ADAMTSL3: variants seen among roughly 807,000 people sequenced by gnomAD.
ADAMTSL3 encodes ADAMTS like 3, also known as ADAMTS-like protein 3.
ADAMTSL3 carries 128 observed loss-of-function variants against 201.7 expected under a neutral mutation model. That is an observed-to-expected ratio of 0.63 (90% CI 0.55 to 0.73). ADAMTSL3 has a LOEUF of 0.73. Ranked by LOEUF, ADAMTSL3 falls within the 30% of genes least tolerant of loss-of-function variation. ADAMTSL3 has a pLI of 0.00. For missense variants in ADAMTSL3, 1,990 were observed against 2,119.6 expected (o/e 0.94, Z 1.20); for synonymous variants, 738 against 748.4 (o/e 0.99, Z 0.23).
chr15:83,890,229 T>C lies in ADAMTSL3; in HGVS notation c.1193T>C (p.Met398Thr). Reference protein sequence around the residue: ...KPKPKLKECSMDPCPSSDGFK... With the variant: ...KPKPKLKECSTDPCPSSDGFK... ...AAACCAAAACTGAAGGAATGCAGCA[T>C]GGATCCCTGCCCATCAAGGTTTGTG... Residue 398 changes from methionine to threonine, a missense_variant, in exon 11 of 30, where the codon ATG (methionine) becomes ACG (threonine). By Grantham distance (81) the Met-to-Thr change is moderately conservative. Transcript: ENST00000286744. The C allele has an allele frequency of 6.2e-7, 1 of 1,613,934 alleles. No individual in the cohort carries two copies.
At chr15:83,726,084 C>A (rs554499667) in intron 3 of ADAMTSL3, among the ~76,000 whole-genome samples, 2 of 151,872 alleles carry the variant, frequency 1.3e-5, no homozygotes, top group Non-Finnish European at 2.9e-5. Flanking sequence ...ATCAACGTTT[C>A]GTCGTTTTCA....
chr15:84,016,332 ATAAT>A, intron 24 of ADAMTSL3, 47 bp from the exon 25 acceptor site: 1 of 1,443,070 alleles, frequency 6.9e-7, no homozygotes. Context: ...AGCTGGACCA[ATAAT>A]TAGATAATGT....
At chr15:83,801,068 G>C (rs1197270585) in intron 4 of ADAMTSL3, among the ~76,000 whole-genome samples, 1 of 152,002 alleles carries the variant, frequency 6.6e-6, no homozygotes, top group Non-Finnish European at 1.5e-5. Flanking sequence ...GTTTGGTGCT[G>C]CTTGAATGTT....
At chr15:83,870,756 T>C (rs2141827177) in intron 8 of ADAMTSL3, 46 bp from the exon 9 acceptor site, 1 of 1,456,398 alleles carries the variant, frequency 6.9e-7, no homozygotes, top group Middle Eastern at 1.8e-4. Context: ...TGTAATAAAA[T>C]ACCTTTAAGA....
chr15:83,837,544 G>C (rs1032679289), intron 6 of ADAMTSL3, among the ~76,000 whole-genome samples: 1 of 152,070 alleles, frequency 6.6e-6, no homozygotes, highest in Non-Finnish European at 1.5e-5. Flanking sequence ...ACTTTGGAAG[G>C]CCAAGGCAGG....
At position 83,803,933 on chromosome 15, in the gene ADAMTSL3, A is replaced by G. The variant is rs534279419; in HGVS notation, c.318-717A>G. ...TGGGGCAGGTGGACTGCTTGAGGCC[A>G]GGAGTGTGAAACCAGCCTAGCCAAC... is the stretch of plus-strand genomic sequence containing the variant. On this transcript the variant is annotated intron_variant, in intron 4 of 29. Transcript: ENST00000286744. 9.9e-5 allele frequency among the ~76,000 whole-genome samples: 15 copies of G among 152,268 alleles called. 1 individual carries two copies. In the South Asian group the frequency reaches 2.1e-3, roughly 21 times the overall value.
intron 15 of ADAMTSL3, among the ~76,000 whole-genome samples, chr15:83,902,356 C>T (rs1367972352): frequency 3.3e-5 from 5 of 152,112 alleles, no homozygotes; most frequent in African/African-American, 7.2e-5. Context: ...CTGCAACCTC[C>T]GCCTTCCGGG....
At chr15:83,906,842 T>C (rs1252048855) in intron 15 of ADAMTSL3, among the ~76,000 whole-genome samples, 3 of 152,178 alleles carry the variant, frequency 2.0e-5, no homozygotes, top group Non-Finnish European at 2.9e-5. Context: ...CACTATATTT[T>C]CATTTGTATT....
At chr15:83,789,781 C>G (rs892333876) in intron 4 of ADAMTSL3, among the ~76,000 whole-genome samples, 1 of 152,124 alleles carries the variant, frequency 6.6e-6, no homozygotes, top group Non-Finnish European at 1.5e-5. Flanking sequence ...CTGTTTTACC[C>G]TCTTTAGATA....
intron 11 of ADAMTSL3, chr15:83,891,039 A>C: frequency 3.2e-6 from 1 of 315,208 alleles, no homozygotes. Context: ...TAATGATTAT[A>C]AAAAGGAATA....
intron 2 of ADAMTSL3, among the ~76,000 whole-genome samples, chr15:83,659,452 T>C (rs551548784): frequency 1.8e-4 from 28 of 152,294 alleles, no homozygotes; most frequent in African/African-American, 6.7e-4. Context: ...TGGAGGCTAG[T>C]GTAGAAGGCT....
chr15:83,891,630 G>A lies in ADAMTSL3; in HGVS notation c.1262+251G>A, dbSNP rs9329360. On this transcript the variant is annotated intron_variant, in intron 12 of 29. Transcript: ENST00000286744. ...CTTGGACAACTGAGTATTATAGCAG[G>A]AGCTCAAGTGTTGCAATTAATCAGA... 0.021 allele frequency among the ~76,000 whole-genome samples: 3,243 copies of A among 152,214 alleles called. 123 individuals are homozygous for A. The highest frequency in any genetic ancestry group is 0.071 in the African/African-American group (2,962 of 41,536).
In ADAMTSL3 at chr15:84,039,628, A is replaced by C. The variant is rs2068571381; in HGVS notation, c.*1822A>C. The C allele has an allele frequency of 2.6e-5, 4 of 152,686 alleles. No individual in the cohort carries two copies. The South Asian group carries it at 8.3e-4, about 32-fold the overall frequency. The allele number at this position is 152,686 out of a possible 1,614,324, so 9.5% of individuals were successfully genotyped here. A position where few individuals can be genotyped will look rare whatever the true frequency, so the allele number is the denominator to read the frequency against. ...TGGGACATATATTTTTCTTATTAAC[A>C]AAATTTCATATTAAATTGCTTCACT... On this transcript the variant is annotated 3_prime_UTR_variant, in exon 30 of 30. Coordinates refer to ENST00000286744, the MANE Select transcript of ADAMTSL3 (RefSeq NM_207517.3).
At chr15:83,971,943 A>G (rs970149924) in intron 20 of ADAMTSL3, among the ~76,000 whole-genome samples, 10 of 149,116 alleles carry the variant, frequency 6.7e-5, no homozygotes, top group African/African-American at 2.2e-4. Flanking sequence ...TATAACATAT[A>G]TATAAAACTT....
Position 83,982,654 on chromosome 15 carries a change from G to A in ADAMTSL3, c.3026G>A (p.Arg1009Lys), listed in dbSNP as rs749715546. ...CGGCTCATCGCACGCCCAGCCCTCA[G>A]GGAGCCTATGAGGGAATATCCTGGG... ...DNRLIARPAL[R>K]EPMREYPGMD... The change falls in exon 21 of 30, where the codon AGG (arginine) becomes AAG (lysine). Residue 1009 changes from arginine (R) to lysine (K), a missense_variant. Transcript: ENST00000286744. 3.1e-6 allele frequency: 5 copies of A among 1,614,168 alleles called. No individual in the cohort carries two copies. Among genetic ancestry groups the A allele is most frequent in the Non-Finnish European group, 4.2e-6 (5 of 1,180,042 alleles).
At chr15:83,818,456 A>G (rs1233816161) in intron 5 of ADAMTSL3, among the ~76,000 whole-genome samples, 1 of 152,136 alleles carries the variant, frequency 6.6e-6, no homozygotes, top group African/African-American at 2.4e-5. Context: ...CCTCATGAAC[A>G]GCTGGGACTA....
At chr15:83,964,733 T>C (rs1234916877) in intron 19 of ADAMTSL3, among the ~76,000 whole-genome samples, 1 of 152,030 alleles carries the variant, frequency 6.6e-6, no homozygotes, top group African/African-American at 2.4e-5. Flanking sequence ...AGATTTACCA[T>C]GATTGAAATG....
chr15:83,971,921 ATATATAT>A (rs1229333158), intron 20 of ADAMTSL3, among the ~76,000 whole-genome samples: 1 of 148,480 alleles, frequency 6.7e-6, no homozygotes, highest in Non-Finnish European at 1.5e-5. Flanking sequence ...TATATGTTAT[ATATATAT>A]GATATATAAC....
intron 23 of ADAMTSL3, among the ~76,000 whole-genome samples, chr15:84,011,386 C>A (rs564164904): frequency 1.2e-4 from 19 of 152,244 alleles, no homozygotes; most frequent in African/African-American, 4.1e-4. Flanking sequence ...CTGTCTTAGA[C>A]CACTGGGGCT....
Sources: gnomAD v4.1 joint callset for allele counts (sites outside exome capture counted in the v4.1 genomes callset) on GRCh38, gnomAD v4.1.1 for gene constraint, MANE v1.5 for transcripts, NCBI Gene and HGNC (gene_info 2026-07-23, HGNC 2026-07-21) for gene names.